Variants in SIPA1L1 observed in about 807,000 individuals in gnomAD.
SIPA1L1 encodes signal induced proliferation associated 1 like 1.
SIPA1L1 carries 26 observed loss-of-function variants against 162.7 expected under a neutral mutation model. The ratio of observed to expected loss-of-function variants is 0.16; its 90% CI spans 0.12 to 0.22. The LOEUF is 0.22. SIPA1L1 is among the 10% of genes least tolerant of loss of function. The pLI is 1.00. For synonymous variants in SIPA1L1, 829 were observed against 837.4 expected (o/e 0.99, Z 0.17); for missense variants, 1,874 against 2,241.0 (o/e 0.84, Z 3.31).
In SIPA1L1 at chr14:71,563,868, T is replaced by C. The variant is rs560661985; in HGVS notation, c.-302-23703T>C. Among the ~76,000 whole-genome samples the C allele has an allele frequency of 2.7e-3, 407 of 152,352 alleles. 4 individuals are homozygous for C. Among genetic ancestry groups the C allele is most frequent in the Middle Eastern group, 6.8e-3 (2 of 294 alleles). On this transcript the variant is annotated intron_variant, in intron 4 of 23. Transcript: ENST00000381232. ...TATATTTCCAGGCATTTTCTTCTTA[T>C]ACTGCAGTGTGCTTTCCACAGTCAT...
intron 2 of SIPA1L1, among the ~76,000 whole-genome samples, chr14:71,334,674 A>G (rs1012242967): frequency 1.3e-5 from 2 of 152,206 alleles, no homozygotes; most frequent in African/African-American, 4.8e-5. Flanking sequence ...GGCTTTTTCC[A>G]TAACTTGAAT....
intron 2 of SIPA1L1, among the ~76,000 whole-genome samples, chr14:71,391,128 A>G (rs2040716681): frequency 8.6e-6 from 1 of 115,652 alleles, no homozygotes; most frequent in Admixed American, 1.1e-4. Context: ...TTTTTTTGAG[A>G]CAGACTCTTG....
chr14:71,635,394 A>G (rs1567363056), intron 7 of SIPA1L1, among the ~76,000 whole-genome samples: 1 of 152,244 alleles, frequency 6.6e-6, no homozygotes, highest in Non-Finnish European at 1.5e-5. Flanking sequence ...TTGCCATTTG[A>G]AGCAAATGCT....
chr14:71,522,568 C>G (rs1404548783), intron 3 of SIPA1L1, among the ~76,000 whole-genome samples: 1 of 152,180 alleles, frequency 6.6e-6, no homozygotes, highest in East Asian at 1.9e-4. Flanking sequence ...TGTCAGCACT[C>G]AAAAAGTTTG....
At chr14:71,427,802 T>TTTTTTTAAGTTTAAG (rs2043687048) in intron 2 of SIPA1L1, among the ~76,000 whole-genome samples, 2 of 152,118 alleles carry the variant, frequency 1.3e-5, no homozygotes, top group African/African-American at 4.8e-5. Context: ...CTTATGAATT[T>TTTTTTTAAGTTTAAG]TTTTTTAAGT....
intron 4 of SIPA1L1, among the ~76,000 whole-genome samples, chr14:71,558,130 C>T (rs185587706): frequency 5.3e-5 from 8 of 152,116 alleles, no homozygotes; most frequent in Admixed American, 2.6e-4. Flanking sequence ...TTGTCTGTCT[C>T]TCAAAGTAAA....
intron 18 of SIPA1L1, 42 bp from the exon 19 acceptor site, chr14:71,724,628 T>A: frequency 6.3e-7 from 1 of 1,578,364 alleles, no homozygotes; most frequent in Non-Finnish European, 8.6e-7. Flanking sequence ...TGAGCCAGCC[T>A]TGTTGAGTTG....
chr14:71,606,546 G>T (rs755809156), intron 5 of SIPA1L1, among the ~76,000 whole-genome samples: 2 of 152,078 alleles, frequency 1.3e-5, no homozygotes, highest in Non-Finnish European at 2.9e-5. Context: ...ACCAATTGTG[G>T]GCTTCGTCCT....
At chr14:71,326,181 T>C (rs1277105907) in intron 2 of SIPA1L1, among the ~76,000 whole-genome samples, 1 of 152,130 alleles carries the variant, frequency 6.6e-6, no homozygotes, top group East Asian at 1.9e-4. Context: ...GGTATAGTCA[T>C]TGATGGTTTT....
intron 3 of SIPA1L1, among the ~76,000 whole-genome samples, chr14:71,526,225 C>T (rs2052854736): frequency 6.6e-6 from 1 of 152,128 alleles, no homozygotes; most frequent in Non-Finnish European, 1.5e-5. Context: ...AAGACAAGTA[C>T]ATCATAAATT....
chr14:71,424,797 G>A (rs957780199), intron 2 of SIPA1L1, among the ~76,000 whole-genome samples: 4 of 152,034 alleles, frequency 2.6e-5, no homozygotes, highest in African/African-American at 9.7e-5. Flanking sequence ...GTTAAGAAGT[G>A]TTCCCTCCTC....
At chr14:71,500,139 T>C (rs1202767148) in intron 2 of SIPA1L1, among the ~76,000 whole-genome samples, 1 of 152,132 alleles carries the variant, frequency 6.6e-6, no homozygotes, top group East Asian at 1.9e-4. Flanking sequence ...CATTGATAAG[T>C]TGAACATTAA....
intron 2 of SIPA1L1, among the ~76,000 whole-genome samples, chr14:71,430,565 A>G (rs376475861): frequency 6.6e-6 from 1 of 152,236 alleles, no homozygotes; most frequent in African/African-American, 2.4e-5. Context: ...GCAGTGCCTC[A>G]TAGGAAACAA....
intron 2 of SIPA1L1, chr14:71,379,675 G>T (rs968673645): frequency 1.3e-5 from 2 of 152,196 alleles, no homozygotes; most frequent in Non-Finnish European, 2.9e-5. Flanking sequence ...GTTATCTTCT[G>T]CCATGTAAGG....
At chr14:71,359,254 C>T (rs1426501134) in intron 2 of SIPA1L1, among the ~76,000 whole-genome samples, 4 of 152,206 alleles carry the variant, frequency 2.6e-5, no homozygotes, top group Non-Finnish European at 5.9e-5. Flanking sequence ...GCTCTCTTGC[C>T]TGCCGCCATG....
intron 7 of SIPA1L1, among the ~76,000 whole-genome samples, chr14:71,624,679 AT>A (rs558841528): frequency 1.4e-3 from 209 of 152,262 alleles, no homozygotes; most frequent in Non-Finnish European, 2.5e-3. Flanking sequence ...TACTATTATT[AT>A]TCACATTTTA....
intron 19 of SIPA1L1, among the ~76,000 whole-genome samples, chr14:71,728,207 A>T (rs1368109726): frequency 6.6e-6 from 1 of 152,092 alleles, no homozygotes; most frequent in African/African-American, 2.4e-5. Context: ...TAGTCCTAGA[A>T]CCTTGCAGGT....
chr14:71,373,440 T>C (rs2039080478), intron 2 of SIPA1L1, among the ~76,000 whole-genome samples: 1 of 151,758 alleles, frequency 6.6e-6, no homozygotes, highest in Admixed American at 6.6e-5. Context: ...CTGGCCAACG[T>C]GGTGAAATCC....
chr14:71,397,601 G>A (rs918367408), intron 2 of SIPA1L1, among the ~76,000 whole-genome samples: 6 of 152,122 alleles, frequency 3.9e-5, no homozygotes, highest in African/African-American at 1.4e-4. Flanking sequence ...GCTGCTCACT[G>A]CCTGCAGGCT....
Sources: gnomAD v4.1 joint callset for allele counts (sites outside exome capture counted in the v4.1 genomes callset) on GRCh38, gnomAD v4.1.1 for gene constraint, MANE v1.5 for transcripts, NCBI Gene and HGNC (gene_info 2026-07-23, HGNC 2026-07-21) for gene names.